GNAO1: variants seen among roughly 807,000 people sequenced by gnomAD.
GNAO1 encodes the protein guanine nucleotide-binding protein G(o) subunit alpha.
For synonymous variants in GNAO1, 164 were observed against 180.7 expected (o/e 0.91, Z 0.74); for missense variants, 166 against 478.7 (o/e 0.35, Z 6.10).
intron 2 of GNAO1, among the ~76,000 whole-genome samples, chr16:56,260,368 C>G (rs1313224646): frequency 1.3e-5 from 2 of 152,148 alleles, no homozygotes; most frequent in Non-Finnish European, 2.9e-5. Flanking sequence ...TTCTCCTTAG[C>G]CTGCTTGTCT....
At chr16:56,237,885 A>G (rs1302922924) in intron 2 of GNAO1, among the ~76,000 whole-genome samples, 5 of 152,214 alleles carry the variant, frequency 3.3e-5, no homozygotes, top group African/African-American at 9.6e-5. Flanking sequence ...TAAAAGACCC[A>G]AGTTAGTGTC....
At chr16:56,204,561 C>T (rs904288607) in intron 2 of GNAO1, among the ~76,000 whole-genome samples, 4 of 152,048 alleles carry the variant, frequency 2.6e-5, no homozygotes, top group South Asian at 2.1e-4. Flanking sequence ...AAACCCAGAG[C>T]GCCCTGCCAC....
Position 56,238,362 on chromosome 16 carries a change from C to T in GNAO1, c.162-37569C>T, listed in dbSNP as rs532610971. On this transcript the variant is annotated intron_variant, in intron 2 of 8. Transcript: ENST00000262493. ...CACACAGCTATCCTTGATTGCAGTCCAGTCTTGCCTGTGCACGTGGCCAGA... is the reference window on the plus strand; with the variant it reads ...CACACAGCTATCCTTGATTGCAGTCTAGTCTTGCCTGTGCACGTGGCCAGA... 2.0e-5 allele frequency among the ~76,000 whole-genome samples: 3 copies of T among 152,320 alleles called. No individual in the cohort carries two copies. The South Asian group carries it at 6.2e-4, about 32-fold the overall frequency.
At chr16:56,331,780 C>T (rs1381029035) in intron 4 of GNAO1, among the ~76,000 whole-genome samples, 2 of 152,174 alleles carry the variant, frequency 1.3e-5, no homozygotes, top group Non-Finnish European at 2.9e-5. Context: ...GGACAACTCT[C>T]AAATTCATAT....
chr16:56,281,778 GAAGA>G (rs1228056205), intron 3 of GNAO1, among the ~76,000 whole-genome samples: 1 of 152,232 alleles, frequency 6.6e-6, no homozygotes. Context: ...TCTGACACTG[GAAGA>G]AAGGGTTGAG....
intron 2 of GNAO1, among the ~76,000 whole-genome samples, chr16:56,257,282 G>T (rs1282534086): frequency 3.3e-5 from 5 of 152,170 alleles, no homozygotes; most frequent in African/African-American, 1.2e-4. Context: ...TAGCCCTGGG[G>T]CACTCCAGTG....
intron 3 of GNAO1, among the ~76,000 whole-genome samples, chr16:56,323,804 G>A (rs1044792885): frequency 6.6e-6 from 1 of 152,174 alleles, no homozygotes; most frequent in Admixed American, 6.5e-5. Flanking sequence ...AGGCTGAAGA[G>A]GAGAAGGACC....
Position 56,233,492 on chromosome 16 carries a change from C to T in GNAO1, c.161+40876C>T, listed in dbSNP as rs537379315. On this transcript the variant is annotated intron_variant, in intron 2 of 8. Coordinates refer to ENST00000262493, the MANE Select transcript of GNAO1 (RefSeq NM_020988.3). ...AGGCCAAGGCTTTTGCTTCCTCTGC[C>T]GTGTCCTCTCTGTGTATGAATGAGA... Among the ~76,000 whole-genome samples the T allele has an allele frequency of 2.1e-4, 32 of 152,270 alleles. No individual in the cohort carries two copies. In the East Asian group the frequency reaches 4.4e-3, roughly 21 times the overall value.
rs1411072063 is a variant in GNAO1, at chr16:56,192,036, T to C, written c.-200T>C. 2 of 562,374 alleles carry C rather than the reference T, an allele frequency of 3.6e-6. No individual in the cohort carries two copies. The highest frequency in any genetic ancestry group is 6.3e-6 in the Non-Finnish European group (2 of 315,960). 34.8% of individuals were successfully genotyped at this position (562,374 alleles called of 1,614,324 possible). A position where few individuals can be genotyped will look rare whatever the true frequency, so the allele number is the denominator to read the frequency against. ...CCAGACCCCTGCCAGCTGCCGCGAGTCTCCGCTGCTGGAATCTTGTTAGCG... is the reference window on the plus strand; with the variant it reads ...CCAGACCCCTGCCAGCTGCCGCGAGCCTCCGCTGCTGGAATCTTGTTAGCG... On this transcript the variant is annotated 5_prime_UTR_variant, in exon 1 of 9. Transcript: ENST00000262493.
At chr16:56,303,753 C>T (rs1398748987) in intron 3 of GNAO1, among the ~76,000 whole-genome samples, 2 of 152,176 alleles carry the variant, frequency 1.3e-5, no homozygotes, top group African/African-American at 4.8e-5. Flanking sequence ...CCCCGGCAGT[C>T]ACTGTATTTC....
intron 2 of GNAO1, among the ~76,000 whole-genome samples, chr16:56,230,192 A>C (rs2036575670): frequency 6.6e-6 from 1 of 152,106 alleles, no homozygotes; most frequent in African/African-American, 2.4e-5. Flanking sequence ...TTCTGGCATG[A>C]ATTCTGTGCA....
At chr16:56,193,462 A>G (rs936439262) in intron 2 of GNAO1, 1 of 158,508 alleles carries the variant, frequency 6.3e-6, no homozygotes, top group Admixed American at 6.0e-5. Context: ...TACACTCTGC[A>G]TAGGCCGTGT....
chr16:56,263,123 A>G (rs1211587120), intron 2 of GNAO1, among the ~76,000 whole-genome samples: 1 of 152,230 alleles, frequency 6.6e-6, no homozygotes, highest in African/African-American at 2.4e-5. Flanking sequence ...GGAAAGGGCC[A>G]CAGACTCCGG....
In GNAO1 at chr16:56,303,868, C is replaced by T. The variant is rs939609583; in HGVS notation, c.304-24763C>T. Among the ~76,000 whole-genome samples, 23 of 151,788 alleles carry T rather than the reference C, an allele frequency of 1.5e-4. 1 individual carries two copies. Among genetic ancestry groups the T allele is most frequent in the Non-Finnish European group, 2.4e-4 (16 of 67,948 alleles). On this transcript the variant is annotated intron_variant, in intron 3 of 8. Coordinates refer to ENST00000262493, the MANE Select transcript of GNAO1 (RefSeq NM_020988.3). ...CAGCCCTCAAGTTGAAGCCAGTTTCCCACCTCTGATCTACCCAATGCGACA... is the reference window on the plus strand; with the variant it reads ...CAGCCCTCAAGTTGAAGCCAGTTTCTCACCTCTGATCTACCCAATGCGACA...
chr16:56,285,652 C>T (rs1478593761), intron 3 of GNAO1, among the ~76,000 whole-genome samples: 2 of 152,248 alleles, frequency 1.3e-5, no homozygotes, highest in African/African-American at 2.4e-5. Flanking sequence ...GTCACAAAAT[C>T]GTGTTGTATT....
At position 56,354,741 on chromosome 16, in the gene GNAO1, T is replaced by C. The variant is rs1307236229; in HGVS notation, c.878-125T>C. 4 of 611,198 alleles carry C rather than the reference T, an allele frequency of 6.5e-6. No individual in the cohort carries two copies. Among genetic ancestry groups the C allele is most frequent in the Non-Finnish European group, 1.2e-5 (4 of 341,692 alleles). The allele number at this position is 611,198 out of a possible 1,614,324, so 37.9% of individuals were successfully genotyped here. On this transcript the variant is annotated intron_variant, in intron 7 of 8. Coordinates refer to ENST00000262493, the MANE Select transcript of GNAO1 (RefSeq NM_020988.3). This position sits in a 1 kb window ranked among gnomAD's most constrained non-coding sequence, Gnocchi z 4.3. ...GGAACTGCCCAGCAGTTCCTACTGC[T>C]CCCTTCCTGTCTCATCCCACTTCCT... is the stretch of plus-strand genomic sequence containing the variant.
intron 6 of GNAO1, chr16:56,340,732 A>G: frequency 2.9e-6 from 3 of 1,037,492 alleles, no homozygotes; most frequent in Admixed American, 2.0e-5. Context: ...ATCCAGCCAC[A>G]TTGGTGGACC....
chr16:56,193,700 G>A (rs1296188484), intron 2 of GNAO1: 1 of 220,828 alleles, frequency 4.5e-6, no homozygotes, highest in East Asian at 1.1e-4. Flanking sequence ...GGCAGTTCCT[G>A]GTGATCCCAC....
At chr16:56,349,001 A>G (rs763061000) in intron 6 of GNAO1, among the ~76,000 whole-genome samples, 1 of 152,024 alleles carries the variant, frequency 6.6e-6, no homozygotes, top group Non-Finnish European at 1.5e-5. Context: ...TCATTCTTAC[A>G]TCCTCGGGGC....
Sources: allele counts gnomAD v4.1 joint callset (sites outside exome capture counted in the v4.1 genomes callset), GRCh38; gene constraint gnomAD v4.1.1; non-coding constraint Gnocchi (gnomAD v3.1); transcripts MANE v1.5; gene names NCBI Gene and HGNC (gene_info 2026-07-23, HGNC 2026-07-21).